The following SLC12A8 variants were observed in gnomAD, a reference collection of about 807,000 sequenced individuals.
The protein encoded by SLC12A8 is cation-chloride cotransporter 9.
In SLC12A8, 69 loss-of-function variants were observed where a neutral mutation model predicts 75.6. The ratio of observed to expected loss-of-function variants is 0.91; its 90% CI spans 0.75 to 1.11. SLC12A8 has a LOEUF of 1.11. Ranked by LOEUF, SLC12A8 falls within the 50% of genes most tolerant of loss-of-function variation. The probability of loss-of-function intolerance (pLI) is 0.00; values close to 1 mark genes in which losing one functional copy is unlikely to be tolerated. For missense variants in SLC12A8, 877 were observed against 896.7 expected, an observed-to-expected ratio of 0.98 and a Z score of 0.28; for synonymous variants, 365 against 372.8, an observed-to-expected ratio of 0.98 and a Z score of 0.24.
intron 10 of SLC12A8, among the ~76,000 whole-genome samples, chr3:125,106,087 C>A (rs760963558): frequency 5.3e-5 from 8 of 152,054 alleles, no homozygotes; most frequent in Non-Finnish European, 1.0e-4. Flanking sequence ...GACAGATTAA[C>A]AGAAGAAGCA....
At chr3:125,108,444 T>C (rs1204629200) in intron 9 of SLC12A8, among the ~76,000 whole-genome samples, 1 of 152,002 alleles carries the variant, frequency 6.6e-6, no homozygotes, top group African/African-American at 2.4e-5. Context: ...TCTCAGCTCA[T>C]TGCAACCTCC....
chr3:125,109,352 C>T (rs1939122977), intron 9 of SLC12A8, among the ~76,000 whole-genome samples: 1 of 152,222 alleles, frequency 6.6e-6, no homozygotes, highest in Non-Finnish European at 1.5e-5. Context: ...GTTTACATAT[C>T]CAACTGCCTA....
chr3:125,148,359 G>A (rs937276863), intron 5 of SLC12A8, among the ~76,000 whole-genome samples: 5 of 152,068 alleles, frequency 3.3e-5, no homozygotes, highest in African/African-American at 1.2e-4. Flanking sequence ...TTCAAAACAC[G>A]TCCCTGAAGA....
rs1275592754 is a variant in SLC12A8 at position 125,198,273 on chromosome 3, A to AT, written c.52-7753_52-7752insA. Among the ~76,000 whole-genome samples the AT allele has an allele frequency of 1.4e-3, 213 of 151,572 alleles. 1 individual carries two copies. The highest frequency in any genetic ancestry group is 2.5e-3 in the Non-Finnish European group (169 of 67,862). ...GTGTTCTTTAAAAAAAAAAAAACAA[A>AT]ACAGTCAAGGTCATAAAAGACAAAG... On this transcript the variant is annotated intron_variant, in intron 2 of 13. Transcript: ENST00000469902.
chr3:125,126,000 G>A (rs1222474131), intron 6 of SLC12A8: 7 of 849,646 alleles, frequency 8.2e-6, no homozygotes, highest in East Asian at 2.4e-4. Context: ...GGTTTTAAAC[G>A]CCAATTCCAG....
intron 3 of SLC12A8, among the ~76,000 whole-genome samples, chr3:125,189,131 C>T (rs187175984): frequency 1.3e-4 from 20 of 152,270 alleles, no homozygotes; most frequent in Admixed American, 1.2e-3. Context: ...AGGAGATTAC[C>T]CTCCATAGTA....
At chr3:125,194,126 C>T (rs980706116) in intron 2 of SLC12A8, among the ~76,000 whole-genome samples, 3 of 152,252 alleles carry the variant, frequency 2.0e-5, no homozygotes, top group Non-Finnish European at 4.4e-5. Flanking sequence ...TCAGAAAGGG[C>T]AGCATAAAAC....
At chr3:125,122,585 C>G (rs989451919) in intron 6 of SLC12A8, among the ~76,000 whole-genome samples, 3 of 152,146 alleles carry the variant, frequency 2.0e-5, no homozygotes, top group Non-Finnish European at 4.4e-5. Context: ...AAGAAAGCCT[C>G]GGAATGCTTC....
At chr3:125,148,891 C>CA (rs1198850282) in intron 5 of SLC12A8, among the ~76,000 whole-genome samples, 2 of 152,362 alleles carry the variant, frequency 1.3e-5, no homozygotes, top group African/African-American at 4.8e-5. Flanking sequence ...CTTCTACAGT[C>CA]ACATGGAGAG....
At chr3:125,105,514 G>A (rs1939000685) in intron 10 of SLC12A8, among the ~76,000 whole-genome samples, 1 of 152,104 alleles carries the variant, frequency 6.6e-6, no homozygotes. Context: ...GAAAAATGAT[G>A]ACAGAAAACC....
chr3:125,211,512 A>G, intron 1 of SLC12A8, 118 bp from the exon 2 acceptor site: 1 of 679,966 alleles, frequency 1.5e-6, no homozygotes, highest in Non-Finnish European at 2.6e-6. Context: ...GCTGAGGAAG[A>G]AACCTTGTCT....
At position 125,082,936 on chromosome 3, in the gene SLC12A8, T is replaced by C. The variant is rs1298603475; in HGVS notation, c.*954A>G. ...GATATGAAATGTCTCCAAGATAGAT[T>C]GTTAAGGGAAAAAAGCAAGGTGCAG... On this transcript the variant is annotated 3_prime_UTR_variant, in exon 14 of 14. Transcript: ENST00000469902. The C allele has an allele frequency of 1.3e-5, 2 of 152,176 alleles. No individual in the cohort carries two copies. The highest frequency in any genetic ancestry group is 2.9e-5 in the Non-Finnish European group (2 of 68,032). 9.4% of individuals were successfully genotyped at this position (152,176 alleles called of 1,614,324 possible). A position where few individuals can be genotyped will look rare whatever the true frequency, so the allele number is the denominator to read the frequency against.
intron 8 of SLC12A8, among the ~76,000 whole-genome samples, chr3:125,116,899 A>G (rs1414283274): frequency 2.0e-5 from 3 of 152,202 alleles, no homozygotes; most frequent in African/African-American, 7.2e-5. Flanking sequence ...TCATTCCACA[A>G]CTAGAGAACA....
Position 125,186,381 on chromosome 3 carries a change from A to C in SLC12A8, c.390+856T>G, listed in dbSNP as rs111565324. Among the ~76,000 whole-genome samples the C allele has an allele frequency of 3.2e-3, 487 of 152,322 alleles. 7 individuals are homozygous for C. Among genetic ancestry groups the C allele is most frequent in the African/African-American group, 0.011 (467 of 41,560 alleles). On this transcript the variant is annotated intron_variant, in intron 4 of 13. Transcript: ENST00000469902. ...CGCAGCTCTGTGCTGTTCGAGAATC[A>C]GATATATTTATGCTGAAACACCCTG...
intron 5 of SLC12A8, among the ~76,000 whole-genome samples, chr3:125,150,813 C>T (rs1320498193): frequency 6.6e-6 from 1 of 152,126 alleles, no homozygotes; most frequent in Non-Finnish European, 1.5e-5. Context: ...ATAGAATGAG[C>T]AATGCAGAAC....
intron 6 of SLC12A8, among the ~76,000 whole-genome samples, chr3:125,133,744 A>T (rs1166963533): frequency 6.6e-6 from 1 of 151,794 alleles, no homozygotes; most frequent in Non-Finnish European, 1.5e-5. Context: ...CTTTTTAATC[A>T]TGTTTTGTAG....
Position 125,083,589 on chromosome 3 carries a change from G to A in SLC12A8, c.*301C>T, listed in dbSNP as rs1401802782. ...ATACAAAAAATAGCTGGGTGTGGTG[G>A]TGCATGCCTATAATCCCAGCTACTC... is the stretch of plus-strand genomic sequence containing the variant. On this transcript the variant is annotated 3_prime_UTR_variant, in exon 14 of 14. Coordinates refer to ENST00000469902, the MANE Select transcript of SLC12A8 (RefSeq NM_024628.6). The A allele has an allele frequency of 8.1e-6, 2 of 246,008 alleles. No individual in the cohort carries two copies. Among genetic ancestry groups the A allele is most frequent in the Non-Finnish European group, 1.6e-5 (2 of 125,482 alleles). 15.2% of individuals were successfully genotyped at this position (246,008 alleles called of 1,614,324 possible).
At chr3:125,167,588 G>T (rs1934317430) in intron 5 of SLC12A8, among the ~76,000 whole-genome samples, 1 of 152,220 alleles carries the variant, frequency 6.6e-6, no homozygotes, top group Non-Finnish European at 1.5e-5. Flanking sequence ...CAGGAAGGCA[G>T]CCTGGAGATG....
At chr3:125,136,132 T>C (rs1933488405) in intron 5 of SLC12A8, among the ~76,000 whole-genome samples, 1 of 152,194 alleles carries the variant, frequency 6.6e-6, no homozygotes, top group East Asian at 1.9e-4. Context: ...AAAAAATTAA[T>C]CGATATTTGC....
Sources: gnomAD v4.1 joint callset for allele counts (sites outside exome capture counted in the v4.1 genomes callset) on GRCh38, gnomAD v4.1.1 for gene constraint, MANE v1.5 for transcripts, NCBI Gene and HGNC (gene_info 2026-07-23, HGNC 2026-07-21) for gene names.